The following EXOC6B variants were observed in gnomAD, a reference collection of about 807,000 sequenced individuals.
The protein encoded by EXOC6B is SEC15 homolog B.
EXOC6B carries 54 observed loss-of-function variants against 113.5 expected under a neutral mutation model. The observed-to-expected ratio is 0.48, with a 90% CI of 0.38 to 0.60. The LOEUF (loss-of-function observed/expected upper bound fraction) is 0.60. EXOC6B is among the 20% of genes least tolerant of loss of function. The probability of loss-of-function intolerance (pLI) is 0.00; values close to 1 mark genes in which losing one functional copy is unlikely to be tolerated. For missense variants in EXOC6B, 797 were observed against 977.5 expected (o/e 0.82, Z 2.46); for synonymous variants, 357 against 339.0 (o/e 1.05, Z -0.58).
chr2:72,223,702 T>G (rs780312391), intron 20 of EXOC6B, among the ~76,000 whole-genome samples: 2 of 152,052 alleles, frequency 1.3e-5, no homozygotes, highest in Non-Finnish European at 2.9e-5. Flanking sequence ...TGTTTGTTTG[T>G]TTGTTTGTTT....
At chr2:72,766,179 T>C (rs534463516) in intron 1 of EXOC6B, among the ~76,000 whole-genome samples, 5 of 152,192 alleles carry the variant, frequency 3.3e-5, no homozygotes, top group East Asian at 1.9e-4. Flanking sequence ...TGGAGGACAA[T>C]AGCATTAAGG....
intron 19 of EXOC6B, among the ~76,000 whole-genome samples, chr2:72,341,442 A>G (rs1689027947): frequency 6.6e-6 from 1 of 152,190 alleles, no homozygotes; most frequent in Non-Finnish European, 1.5e-5. Context: ...AAGACATTCT[A>G]TGGTAACGAT....
At chr2:72,650,831 T>C (rs1674112511) in intron 6 of EXOC6B, among the ~76,000 whole-genome samples, 2 of 150,394 alleles carry the variant, frequency 1.3e-5, no homozygotes, top group South Asian at 4.2e-4. Context: ...ACATAGCTGA[T>C]AGGAATGTAA....
intron 6 of EXOC6B, among the ~76,000 whole-genome samples, chr2:72,589,530 G>GAA (rs67643057): frequency 0.02 from 2,996 of 149,232 alleles, 49 homozygotes; most frequent in Non-Finnish European, 0.03. Flanking sequence ...CACATTCCAG[G>GAA]AAAAAAAAAA....
chr2:72,317,762 A>C (rs1211969655), intron 20 of EXOC6B, among the ~76,000 whole-genome samples: 3 of 152,166 alleles, frequency 2.0e-5, no homozygotes, highest in Admixed American at 2.0e-4. Context: ...GTAGCTTTTG[A>C]GAACCACTTC....
At chr2:72,640,418 A>G (rs1224288556) in intron 6 of EXOC6B, among the ~76,000 whole-genome samples, 1 of 152,216 alleles carries the variant, frequency 6.6e-6, no homozygotes, top group Admixed American at 6.5e-5. Context: ...ATAGGGAGAA[A>G]GGAACCAACT....
chr2:72,204,706 T>C (rs992670849), intron 20 of EXOC6B, among the ~76,000 whole-genome samples: 2 of 152,134 alleles, frequency 1.3e-5, no homozygotes, highest in Admixed American at 1.3e-4. Flanking sequence ...CACGTAGCTG[T>C]GATTAAACAT....
chr2:72,568,622 T>C (rs1704334335), intron 7 of EXOC6B, among the ~76,000 whole-genome samples: 1 of 152,030 alleles, frequency 6.6e-6, no homozygotes, highest in East Asian at 1.9e-4. Context: ...ATAAGTGGAC[T>C]ATTTAAGTGA....
At chr2:72,216,714 T>A (rs1171779352) in intron 20 of EXOC6B, among the ~76,000 whole-genome samples, 1 of 152,136 alleles carries the variant, frequency 6.6e-6, no homozygotes, top group Non-Finnish European at 1.5e-5. Flanking sequence ...TGGAAAACTA[T>A]GCAGTCATAA....
intron 18 of EXOC6B, among the ~76,000 whole-genome samples, chr2:72,454,092 C>T (rs535275796): frequency 8.5e-5 from 13 of 152,254 alleles, no homozygotes; most frequent in Admixed American, 3.3e-4. Context: ...ACCCCTGACA[C>T]GCGGGGATTA....
intron 18 of EXOC6B, among the ~76,000 whole-genome samples, chr2:72,441,921 A>T (rs1696225078): frequency 1.3e-5 from 2 of 152,258 alleles, no homozygotes; most frequent in Admixed American, 1.3e-4. Context: ...CCTCATCCTG[A>T]TAGCAAAACC....
chr2:72,556,055 C>G (rs756732469), intron 8 of EXOC6B, among the ~76,000 whole-genome samples: 1 of 152,160 alleles, frequency 6.6e-6, no homozygotes, highest in Non-Finnish European at 1.5e-5. Context: ...AGACAAGGCA[C>G]AATCAAAGCA....
At chr2:72,677,005 G>T (rs1676359630) in intron 6 of EXOC6B, among the ~76,000 whole-genome samples, 1 of 152,130 alleles carries the variant, frequency 6.6e-6, no homozygotes, top group South Asian at 2.1e-4. Flanking sequence ...TGATGCTTTG[G>T]ACCCAAATGA....
intron 18 of EXOC6B, chr2:72,462,384 T>C (rs1297441174): frequency 1.3e-5 from 2 of 152,168 alleles, no homozygotes; most frequent in African/African-American, 4.8e-5. Flanking sequence ...TGAATAATAA[T>C]ATGCATGTGC....
chr2:72,213,241 T>C (rs982692625), intron 20 of EXOC6B, among the ~76,000 whole-genome samples: 3 of 152,218 alleles, frequency 2.0e-5, no homozygotes, highest in Non-Finnish European at 4.4e-5. Context: ...AACCATCCGA[T>C]TGCAACCTCA....
At position 72,825,987 on chromosome 2, in the gene EXOC6B, C is replaced by CCACAG. The variant is rs1017295472; in HGVS notation, c.-82_-78dup. On this transcript the variant is annotated 5_prime_UTR_variant, in exon 1 of 22. Transcript: ENST00000272427. This position sits in a 1 kb window ranked among gnomAD's most constrained non-coding sequence, Gnocchi z 4.4. Reference sequence around the variant, plus strand: ...TCCCTGCCCCACAATGCCGCTCCCACCACAGGCTCCACAGCCGCCCCAGCC... The same window carrying CCACAG: ...TCCCTGCCCCACAATGCCGCTCCCACCACAGCACAGGCTCCACAGCCGCCCCAGCC... 1.2e-4 allele frequency: 192 copies of CCACAG among 1,547,060 alleles called. 1 individual carries two copies. The African/African-American group carries it at 2.4e-3, about 19-fold the overall frequency.
At chr2:72,297,692 A>G (rs1686226446) in intron 20 of EXOC6B, among the ~76,000 whole-genome samples, 1 of 152,020 alleles carries the variant, frequency 6.6e-6, no homozygotes, top group Admixed American at 6.6e-5. Flanking sequence ...TCCCAGAGAT[A>G]ATGGTACATT....
At chr2:72,417,818 G>T in intron 18 of EXOC6B, among the ~76,000 whole-genome samples, 1 of 151,686 alleles carries the variant, frequency 6.6e-6, no homozygotes, top group African/African-American at 2.4e-5. Flanking sequence ...TGTTTATATC[G>T]CAATATTTAT....
chr2:72,354,149 C>G (rs1319317500), intron 19 of EXOC6B: 1 of 152,058 alleles, frequency 6.6e-6, no homozygotes, highest in African/African-American at 2.4e-5. Context: ...CAGAAGGAAA[C>G]AGCTAAACAG....
Sources: gnomAD v4.1 joint callset for allele counts (sites outside exome capture counted in the v4.1 genomes callset) on GRCh38, gnomAD v4.1.1 for gene constraint, Gnocchi (gnomAD v3.1) non-coding constraint, MANE v1.5 for transcripts, NCBI Gene and HGNC (gene_info 2026-07-23, HGNC 2026-07-21) for gene names.